GPC6: variants seen among roughly 807,000 people sequenced by gnomAD.
The protein encoded by GPC6 is glypican-6.
In GPC6, 14 loss-of-function variants were observed where a neutral mutation model predicts 55.2. The ratio of observed to expected loss-of-function variants is 0.25; its 90% confidence interval spans 0.17 to 0.40. GPC6 has a LOEUF of 0.40. Ranked by LOEUF, GPC6 falls within the 10% of genes least tolerant of loss-of-function variation. The pLI is 1.00. For synonymous variants in GPC6, 278 were observed against 259.6 expected, an observed-to-expected ratio of 1.07 and a Z score of -0.68; for missense variants, 641 against 708.5, an observed-to-expected ratio of 0.90 and a Z score of 1.08.
At chr13:93,849,602 A>G (rs980726824) in intron 3 of GPC6, among the ~76,000 whole-genome samples, 6 of 152,112 alleles carry the variant, frequency 3.9e-5, no homozygotes, top group Non-Finnish European at 7.4e-5. Flanking sequence ...CTGTCCACCT[A>G]TACATAGATA....
intron 4 of GPC6, among the ~76,000 whole-genome samples, chr13:94,267,054 A>G (rs975870568): frequency 5.3e-5 from 8 of 152,302 alleles, no homozygotes; most frequent in African/African-American, 1.4e-4. Context: ...TGATGATGTT[A>G]TTAGTTAGCC....
chr13:94,069,258 G>C (rs540212952), intron 4 of GPC6, among the ~76,000 whole-genome samples: 55 of 152,238 alleles, frequency 3.6e-4, no homozygotes, highest in Admixed American at 3.1e-3. Flanking sequence ...GCTGTACCTT[G>C]GTCCCTTTTA....
At chr13:93,466,293 A>G (rs1048977833) in intron 1 of GPC6, among the ~76,000 whole-genome samples, 1 of 152,142 alleles carries the variant, frequency 6.6e-6, no homozygotes, top group Non-Finnish European at 1.5e-5. Flanking sequence ...TGATTCATCT[A>G]GATATTCTTT....
intron 1 of GPC6, among the ~76,000 whole-genome samples, chr13:93,442,755 A>G (rs1176606438): frequency 6.6e-6 from 1 of 152,090 alleles, no homozygotes; most frequent in African/African-American, 2.4e-5. Flanking sequence ...ACAAAATTTG[A>G]GCTTTTTCTT....
intron 4 of GPC6, among the ~76,000 whole-genome samples, chr13:94,149,641 C>G (rs1203979752): frequency 6.6e-6 from 1 of 152,074 alleles, no homozygotes; most frequent in South Asian, 2.1e-4. Flanking sequence ...ATAAGAGGAC[C>G]AAGCCCTGTA....
intron 3 of GPC6, among the ~76,000 whole-genome samples, chr13:93,934,269 G>A (rs1878322500): frequency 6.6e-6 from 1 of 152,104 alleles, no homozygotes; most frequent in Non-Finnish European, 1.5e-5. Flanking sequence ...GAGCTGCTAA[G>A]TATAAGTTAT....
rs569871083 is a variant in GPC6 at position 93,936,768 on chromosome 13, C to A, written c.712-90961C>A. On this transcript the variant is annotated intron_variant, in intron 3 of 8. Transcript: ENST00000377047. ...ACCTACTCAGAAATCTCATTCAATG[C>A]AAACCACGGGTGGATTTTCAGATTC... Among the ~76,000 whole-genome samples, 9 of 152,270 alleles carry A rather than the reference C, an allele frequency of 5.9e-5. No individual in the cohort carries two copies. In the South Asian group the frequency reaches 1.5e-3, roughly 25 times the overall value.
chr13:93,433,683 A>G (rs1877458236), intron 1 of GPC6, among the ~76,000 whole-genome samples: 1 of 152,166 alleles, frequency 6.6e-6, no homozygotes, highest in African/African-American at 2.4e-5. Flanking sequence ...GAATAAAGTG[A>G]GAGAGAAAAA....
intron 2 of GPC6, among the ~76,000 whole-genome samples, chr13:93,572,337 T>A (rs1318891601): frequency 6.6e-6 from 1 of 152,136 alleles, no homozygotes; most frequent in Non-Finnish European, 1.5e-5. Flanking sequence ...ACATCAGAAA[T>A]GTAGGGGACG....
intron 2 of GPC6, among the ~76,000 whole-genome samples, chr13:93,613,527 C>A (rs796716024): frequency 0.011 from 1,298 of 119,518 alleles, 20 homozygotes; most frequent in African/African-American, 0.049. Flanking sequence ...CACACACACA[C>A]AAAACACACA....
intron 4 of GPC6, among the ~76,000 whole-genome samples, chr13:94,226,810 A>C (rs1890573235): frequency 6.6e-6 from 1 of 152,186 alleles, no homozygotes; most frequent in Non-Finnish European, 1.5e-5. Flanking sequence ...AGGGTGCTGA[A>C]GAAGCTGGAA....
intron 4 of GPC6, chr13:94,187,748 A>G (rs866929196): frequency 6.6e-6 from 1 of 152,172 alleles, no homozygotes; most frequent in Non-Finnish European, 1.5e-5. Flanking sequence ...CAAAAATAAG[A>G]TAAGAAAACT....
At position 94,163,880 on chromosome 13, in the gene GPC6, G is replaced by A. The variant is rs564258487; in HGVS notation, c.878-122469G>A. On this transcript the variant is annotated intron_variant, in intron 4 of 8. Coordinates refer to ENST00000377047, the MANE Select transcript of GPC6 (RefSeq NM_005708.5). ...TCTTAAAACTAGAGGCAGGACTTAG[G>A]ACAATCAGATACAGTATAGATGACT... Among the ~76,000 whole-genome samples the A allele has an allele frequency of 4.6e-5, 7 of 152,260 alleles. No individual in the cohort carries two copies. In the South Asian group the frequency reaches 1.2e-3, roughly 27 times the overall value.
At chr13:93,589,247 C>G (rs1229990949) in intron 2 of GPC6, among the ~76,000 whole-genome samples, 1 of 133,548 alleles carries the variant, frequency 7.5e-6, no homozygotes, top group Non-Finnish European at 1.6e-5. Flanking sequence ...TGCCCATTAC[C>G]TTTTCATTTT....
intron 2 of GPC6, among the ~76,000 whole-genome samples, chr13:93,638,099 TAG>T (rs1200518750): frequency 1.6e-4 from 24 of 152,198 alleles, no homozygotes; most frequent in Admixed American, 5.2e-4. Flanking sequence ...ACTGTGGAAA[TAG>T]AGTGACACAT....
intron 7 of GPC6, among the ~76,000 whole-genome samples, chr13:94,393,781 T>C (rs552801893): frequency 2.2e-4 from 33 of 152,276 alleles, no homozygotes; most frequent in African/African-American, 7.5e-4. Context: ...TCATTAAATC[T>C]TGAGAGTCAT....
At chr13:93,670,932 T>C (rs1881332930) in intron 2 of GPC6, among the ~76,000 whole-genome samples, 1 of 152,198 alleles carries the variant, frequency 6.6e-6, no homozygotes, top group African/African-American at 2.4e-5. Context: ...TCCCTTTCAT[T>C]CTCTAATTTT....
At chr13:93,358,976 T>TC (rs1491234507) in intron 1 of GPC6, among the ~76,000 whole-genome samples, 1 of 82,208 alleles carries the variant, frequency 1.2e-5, no homozygotes, top group Non-Finnish European at 2.2e-5. Flanking sequence ...TCTCTCTCTC[T>TC]TTTTTTTTTT....
chr13:93,856,961 C>A (rs958821202), intron 3 of GPC6, among the ~76,000 whole-genome samples: 1 of 151,526 alleles, frequency 6.6e-6, no homozygotes, highest in South Asian at 2.1e-4. Context: ...TTTCTCATTG[C>A]CACTGTCTGG....
Sources: gnomAD v4.1 joint callset for allele counts (sites outside exome capture counted in the v4.1 genomes callset) on GRCh38, gnomAD v4.1.1 for gene constraint, MANE v1.5 for transcripts, NCBI Gene and HGNC (gene_info 2026-07-23, HGNC 2026-07-21) for gene names.